The following LRP6 variants were observed in gnomAD, a reference collection of about 807,000 sequenced individuals.
LRP6 encodes low-density lipoprotein receptor-related protein 6.
LRP6 carries 43 observed loss-of-function variants against 184.1 expected under a neutral mutation model. The ratio of observed to expected loss-of-function variants is 0.23; its 90% CI spans 0.18 to 0.30. The LOEUF (loss-of-function observed/expected upper bound fraction) is 0.30, where lower values mean the gene tolerates loss of function less well. LRP6 is among the 10% of genes least tolerant of loss of function. LRP6 has a pLI of 1.00. For missense variants in LRP6, 1,571 were observed against 2,005.3 expected (o/e 0.78, Z 4.14); for synonymous variants, 719 against 684.9 (o/e 1.05, Z -0.78).
rs1166163760 is a variant in LRP6, at chr12:12,119,931, GA to G, written c.*1194del. The G allele has an allele frequency of 1.4e-5, 2 of 139,166 alleles. No homozygotes were observed. The highest frequency in any genetic ancestry group is 4.2e-4 in the East Asian group (2 of 4,792). The allele number at this position is 139,166 out of a possible 1,614,324, so 8.6% of individuals were successfully genotyped here. A position where few individuals can be genotyped will look rare whatever the true frequency, so the allele number is the denominator to read the frequency against. ...AATAAGAAAAAAATCTTTTTAAATA[GA>G]TTGTCTCTAACCAGAACATATTTAA... On this transcript the variant is annotated 3_prime_UTR_variant, in exon 23 of 23. Transcript: ENST00000261349.
chr12:12,150,609 A>G (rs1330188775), intron 13 of LRP6, among the ~76,000 whole-genome samples: 1 of 152,178 alleles, frequency 6.6e-6, no homozygotes, highest in Non-Finnish European at 1.5e-5. Flanking sequence ...CATTACCAAC[A>G]CAACAGCTTA....
At chr12:12,188,377 AG>A (rs1863530830) in intron 3 of LRP6, among the ~76,000 whole-genome samples, 1 of 152,146 alleles carries the variant, frequency 6.6e-6, no homozygotes, top group Non-Finnish European at 1.5e-5. Context: ...AGAGGGAGGA[AG>A]GGAAAGAAAA....
At chr12:12,205,919 G>A (rs965698285) in intron 2 of LRP6, among the ~76,000 whole-genome samples, 2 of 152,110 alleles carry the variant, frequency 1.3e-5, no homozygotes, top group East Asian at 1.9e-4. Flanking sequence ...GTAACAATGT[G>A]GTCAACAACA....
chr12:12,192,598 G>A (rs1477260926), intron 3 of LRP6, among the ~76,000 whole-genome samples: 1 of 151,944 alleles, frequency 6.6e-6, no homozygotes, highest in East Asian at 1.9e-4. Flanking sequence ...TAAGAGAGCT[G>A]GAGCAGCTCT....
Position 12,170,989 on chromosome 12 carries a change from T to C in LRP6, c.1546-5694A>G, listed in dbSNP as rs561575409. Among the ~76,000 whole-genome samples the C allele has an allele frequency of 2.6e-5, 4 of 152,270 alleles. No individual in the cohort carries two copies. The South Asian group carries it at 8.3e-4, about 32-fold the overall frequency. On this transcript the variant is annotated intron_variant, in intron 7 of 22. Transcript: ENST00000261349. ...AAAGGAAGTATTAAGACCATAGATA[T>C]ATTATTAGAAAACCCATTTCTGCCA...
At chr12:12,144,618 GT>G (rs1387688986) in intron 15 of LRP6, among the ~76,000 whole-genome samples, 1 of 152,144 alleles carries the variant, frequency 6.6e-6, no homozygotes, top group African/African-American at 2.4e-5. Context: ...TCTAGCCTGG[GT>G]GACAGGGCAA....
intron 7 of LRP6, among the ~76,000 whole-genome samples, chr12:12,174,574 T>A (rs938875576): frequency 1.3e-5 from 2 of 152,046 alleles, no homozygotes; most frequent in African/African-American, 4.8e-5. Context: ...AAACCAACAG[T>A]AAAAAAAATT....
chr12:12,128,833 T>TA (rs1443127333), intron 19 of LRP6, among the ~76,000 whole-genome samples: 1 of 152,202 alleles, frequency 6.6e-6, no homozygotes, highest in Non-Finnish European at 1.5e-5. Flanking sequence ...TGGGTCAACT[T>TA]AAACTTATCA....
rs565940921 is a variant in LRP6, at chr12:12,182,967, G to A, written c.976+1013C>T. 3.3e-5 allele frequency among the ~76,000 whole-genome samples: 5 copies of A among 152,286 alleles called. No individual in the cohort carries two copies. In the East Asian group the frequency reaches 9.6e-4, roughly 29 times the overall value. On this transcript the variant is annotated intron_variant, in intron 5 of 22. Coordinates refer to ENST00000261349, the MANE Select transcript of LRP6 (RefSeq NM_002336.3). ...AAATAAATCCTCTGTTTTAAAGTCA[G>A]GCTACATTTTTAAAGAAAAAAGCAA...
intron 7 of LRP6, among the ~76,000 whole-genome samples, chr12:12,175,930 T>C (rs1408731801): frequency 6.6e-6 from 1 of 151,934 alleles, no homozygotes; most frequent in African/African-American, 2.4e-5. Context: ...AAAAATGCTT[T>C]AAACCTATAA....
At chr12:12,165,558 T>C (rs1862858004) in intron 7 of LRP6, among the ~76,000 whole-genome samples, 1 of 152,236 alleles carries the variant, frequency 6.6e-6, no homozygotes, top group Non-Finnish European at 1.5e-5. Context: ...GCAACTCTTC[T>C]ATTAAACAAT....
intron 3 of LRP6, among the ~76,000 whole-genome samples, chr12:12,194,100 C>A (rs993580246): frequency 6.6e-6 from 1 of 151,908 alleles, no homozygotes; most frequent in South Asian, 2.1e-4. Flanking sequence ...ACCACATAAT[C>A]ATTTCCATAG....
At chr12:12,199,985 A>C (rs920125558) in intron 3 of LRP6, among the ~76,000 whole-genome samples, 3 of 149,912 alleles carry the variant, frequency 2.0e-5, no homozygotes, top group Non-Finnish European at 3.0e-5. Flanking sequence ...AAAAAAAAAA[A>C]AAAAAAAAAA....
chr12:12,143,083 A>G (rs1949956290), intron 15 of LRP6, among the ~76,000 whole-genome samples: 1 of 152,182 alleles, frequency 6.6e-6, no homozygotes, highest in African/African-American at 2.4e-5. Context: ...CTAATATGCT[A>G]GAAGGAGAAA....
chr12:12,178,955 T>C (rs1212164607), intron 7 of LRP6, among the ~76,000 whole-genome samples: 1 of 152,170 alleles, frequency 6.6e-6, no homozygotes, highest in East Asian at 1.9e-4. Context: ...TTTCTGTCCA[T>C]TAGATGTGTA....
rs769647816 is a variant in LRP6 at position 12,244,585 on chromosome 12, A to G, written c.126T>C (p.Asn42=). The G allele has an allele frequency of 1.2e-5, 19 of 1,614,080 alleles. No homozygotes were observed. The highest frequency in any genetic ancestry group is 1.4e-5 in the Non-Finnish European group (17 of 1,180,014). The change falls in exon 2 of 23, where the codon AAT becomes AAC. Residue 42 remains asparagine, a synonymous_variant. Transcript: ENST00000261349. ...CCAAGCCTCCAACTACAATCGTAGC[A>G]TTCTCTTTGCCATTTGTAGCATCAA... ...RLVDATNGKE[N]ATIVVGGLED... is the part of the protein sequence containing the mutation.
chr12:12,124,590 T>C lies in LRP6; in HGVS notation c.4522A>G (p.Ser1508Gly). 6.2e-7 allele frequency: 1 copy of C among 1,612,996 alleles called. No individual in the cohort carries two copies. Residue 1508 changes from serine to glycine, a missense_variant, in exon 22 of 23, where the codon AGT (serine) becomes GGT (glycine). Physicochemically the swap from Ser to Gly is moderately conservative, Grantham distance 56. Around this residue, in one of 4 missense-constraint regions of LRP6, gnomAD observed 763 missense variants for 859.5 expected, o/e 0.89. Transcript: ENST00000261349. Reference sequence around the variant, plus strand: ...CTGTATGACCTATGAGTGGAAGGACTGTTTGAAGAATATCCAAATTCCATA... The same window carrying C: ...CTGTATGACCTATGAGTGGAAGGACCGTTTGAAGAATATCCAAATTCCATA... ...YTMEFGYSSN[S>G]PSTHRSYSYR...
intron 7 of LRP6, among the ~76,000 whole-genome samples, chr12:12,177,355 C>CTA (rs1267162805): frequency 6.6e-6 from 1 of 152,096 alleles, no homozygotes; most frequent in Non-Finnish European, 1.5e-5. Context: ...TAACAAAAGG[C>CTA]TAGCAAATAC....
At chr12:12,261,106 G>A (rs113555653) in intron 1 of LRP6, among the ~76,000 whole-genome samples, 13 of 152,008 alleles carry the variant, frequency 8.6e-5, no homozygotes, top group Non-Finnish European at 1.6e-4. Flanking sequence ...TCCAATTAAA[G>A]CAAAGAAAAA....
Sources: gnomAD v4.1 joint callset for allele counts (sites outside exome capture counted in the v4.1 genomes callset) on GRCh38, gnomAD v4.1.1 for gene constraint, gnomAD v4.1.1 regional missense constraint, MANE v1.5 for transcripts, NCBI Gene and HGNC (gene_info 2026-07-23, HGNC 2026-07-21) for gene names.